Variants in CREBBP observed in about 807,000 individuals in gnomAD.
The protein encoded by CREBBP is CREB binding lysine acetyltransferase.
Under a neutral mutation model 265.0 loss-of-function variants are expected in CREBBP, and 19 were observed. The ratio of observed to expected loss-of-function variants is 0.07; its 90% confidence interval spans 0.05 to 0.11. The LOEUF is 0.11. CREBBP is among the 10% of genes least tolerant of loss of function. CREBBP has a pLI of 1.00. For synonymous variants in CREBBP, 1,457 were observed against 1,223.7 expected (o/e 1.19, Z -3.98); for missense variants, 2,525 against 3,219.0 (o/e 0.78, Z 5.22).
chr16:3,756,581 G>C (rs1015684302), intron 19 of CREBBP, among the ~76,000 whole-genome samples: 2 of 152,166 alleles, frequency 1.3e-5, no homozygotes, highest in Non-Finnish European at 2.9e-5. Flanking sequence ...TATAATAGGA[G>C]GCAACAGAAT....
At chr16:3,875,933 G>T (rs907747653) in intron 1 of CREBBP, among the ~76,000 whole-genome samples, 6 of 152,120 alleles carry the variant, frequency 3.9e-5, no homozygotes, top group African/African-American at 1.4e-4. Flanking sequence ...CTTCCCTATT[G>T]CATTTAAAAG....
chr16:3,777,793 G>T, intron 10 of CREBBP, 136 bp from the exon 11 acceptor site: 1 of 1,135,468 alleles, frequency 8.8e-7, no homozygotes, highest in Non-Finnish European at 1.3e-6. Context: ...AAGCACGTGT[G>T]TTCCAATGCC....
intron 23 of CREBBP, 165 bp from the exon 24 acceptor site, chr16:3,740,714 T>C (rs2052182585): frequency 1.4e-5 from 12 of 867,114 alleles, no homozygotes; most frequent in Middle Eastern, 3.2e-4. Context: ...ACGAGTGTTA[T>C]ATAAAGGAAA....
intron 18 of CREBBP, 70 bp from the exon 19 acceptor site, chr16:3,757,446 C>G: frequency 1.6e-6 from 2 of 1,267,646 alleles, no homozygotes; most frequent in South Asian, 2.6e-5. Context: ...ATGTTCTAGT[C>G]TACTATAGAG....
At chr16:3,879,781 T>G in intron 1 of CREBBP, 51 bp downstream of exon 1, 3 of 1,521,118 alleles carry the variant, frequency 2.0e-6, no homozygotes, top group Non-Finnish European at 1.8e-6. Flanking sequence ...CTCTTTCAGG[T>G]GGGGGTGACA....
rs957363361 is a variant in CREBBP at position 3,726,490 on chromosome 16, AGCCACCACCCAC to A, written c.*1216_*1227del. Reference sequence around the variant, plus strand: ...CCGCTAAGCCTGGGCCACAGTTCCCAGCCACCACCCACGCCGCCACAACCACAACCGCAGCCC... The same window carrying A: ...CCGCTAAGCCTGGGCCACAGTTCCCAGCCGCCACAACCACAACCGCAGCCC... On this transcript the variant is annotated 3_prime_UTR_variant, in exon 31 of 31. Transcript: ENST00000262367. 2.1e-5 allele frequency: 5 copies of A among 233,382 alleles called. No homozygotes were observed. Among genetic ancestry groups the A allele is most frequent in the African/African-American group, 1.1e-4 (5 of 45,354 alleles). The allele number at this position is 233,382 out of a possible 1,614,324, so 14.5% of individuals were successfully genotyped here. A position where few individuals can be genotyped will look rare whatever the true frequency, so the allele number is the denominator to read the frequency against.
At chr16:3,868,709 TC>T (rs2055229935) in intron 1 of CREBBP, among the ~76,000 whole-genome samples, 1 of 151,964 alleles carries the variant, frequency 6.6e-6, no homozygotes. Flanking sequence ...TCCACTTCCT[TC>T]CAGTCAGACA....
At chr16:3,739,517 C>T (rs2151336190) in intron 25 of CREBBP, 61 bp downstream of exon 25, 2 of 1,607,594 alleles carry the variant, frequency 1.2e-6, no homozygotes, top group Non-Finnish European at 1.7e-6. Flanking sequence ...CACTTAAGAG[C>T]CCTGGTCTAT....
chr16:3,725,630 G>C lies in CREBBP; in HGVS notation c.*2088C>G, dbSNP rs1340301750. 5 of 233,220 alleles carry C rather than the reference G, an allele frequency of 2.1e-5. No individual in the cohort carries two copies. Among genetic ancestry groups the C allele is most frequent in the Non-Finnish European group, 4.2e-5 (5 of 118,076 alleles). The allele number at this position is 233,220 out of a possible 1,614,324, so 14.4% of individuals were successfully genotyped here. ...TGGGGGCTGGTCAGGGGTGCCAGAT[G>C]GTGGTCTTATTTTTACTTGAATTAT... On this transcript the variant is annotated 3_prime_UTR_variant, in exon 31 of 31. Coordinates refer to ENST00000262367, the MANE Select transcript of CREBBP (RefSeq NM_004380.3).
At chr16:3,853,047 C>T (rs1597059765) in intron 1 of CREBBP, among the ~76,000 whole-genome samples, 1 of 151,890 alleles carries the variant, frequency 6.6e-6, no homozygotes, top group Non-Finnish European at 1.5e-5. Flanking sequence ...GCTGCCCACA[C>T]TGGACACCAG....
At chr16:3,752,114 A>T (rs2052487889) in intron 19 of CREBBP, among the ~76,000 whole-genome samples, 2 of 152,184 alleles carry the variant, frequency 1.3e-5, no homozygotes, top group Non-Finnish European at 2.9e-5. Context: ...ATCACAGGCC[A>T]TCATCACTAA....
At chr16:3,875,422 A>C (rs771233262) in intron 1 of CREBBP, among the ~76,000 whole-genome samples, 5 of 152,104 alleles carry the variant, frequency 3.3e-5, no homozygotes, top group Non-Finnish European at 7.4e-5. Context: ...ACCGTTTCTC[A>C]TTCTCCCTGA....
chr16:3,792,577 C>T (rs1330929383), intron 4 of CREBBP, among the ~76,000 whole-genome samples: 2 of 152,150 alleles, frequency 1.3e-5, no homozygotes, highest in East Asian at 1.9e-4. Context: ...GGCTAACTGA[C>T]CCTGGTTATT....
rs1310381167 is a variant in CREBBP at position 3,879,823 on chromosome 16, C to G, written c.85+9G>C. 2 of 1,598,666 alleles carry G rather than the reference C, an allele frequency of 1.3e-6. No homozygotes were observed. Among genetic ancestry groups the G allele is most frequent in the South Asian group, 1.1e-5 (1 of 88,704 alleles). ...CCCGGGCCCCCGCCGCCCCGGACCC[C>G]CTCCTCACCTGTGCTGTCATTCGCC... On this transcript the variant is annotated intron_variant, in intron 1 of 30. Transcript: ENST00000262367.
chr16:3,838,277 T>C (rs1475205752), intron 2 of CREBBP, among the ~76,000 whole-genome samples: 2 of 152,218 alleles, frequency 1.3e-5, no homozygotes, highest in Non-Finnish European at 2.9e-5. Flanking sequence ...GATGTACAGA[T>C]TTATAGTCCA....
At position 3,728,406 on chromosome 16, in the gene CREBBP, T is replaced by G; in HGVS notation, c.6641A>C (p.Gln2214Pro). ...QQQQQQQQQQ[Q>P]QQGSAGMAGG... Reference sequence around the variant, plus strand: ...AGCCATGCCGGCACTCCCTTGCTGCTGCTGCTGTTGCTGCTGTTGTTGCTG... The same window carrying G: ...AGCCATGCCGGCACTCCCTTGCTGCGGCTGCTGTTGCTGCTGTTGTTGCTG... Residue 2214 changes from glutamine to proline, a missense_variant, in exon 31 of 31, where the codon CAG becomes CCG. This residue lies in a region of CREBBP where 473 missense variants were observed against 459.3 expected (regional missense o/e 1.03). Transcript: ENST00000262367. The surrounding 1 kb of genome is among the most constrained non-coding windows in gnomAD (Gnocchi z 8.7). 6.2e-7 allele frequency: 1 copy of G among 1,613,302 alleles called. No individual in the cohort carries two copies. Among genetic ancestry groups the G allele is most frequent in the Middle Eastern group, 1.7e-4 (1 of 6,056 alleles).
rs1256287681 is a variant in CREBBP, at chr16:3,729,214, G to A, written c.5833C>T (p.Pro1945Ser). The A allele has an allele frequency of 1.3e-6, 2 of 1,529,546 alleles. No homozygotes were observed. Among genetic ancestry groups the A allele is most frequent in the Non-Finnish European group, 8.7e-7 (1 of 1,143,606 alleles). The allele number at this position is 1,529,546 out of a possible 1,614,324, so 94.7% of individuals were successfully genotyped here. ...TGKPTSQVPAPPPPAQPPPAA... is the reference protein window; with the variant it reads ...TGKPTSQVPASPPPAQPPPAA... ...GGAGGGGGCTGGGCCGGGGGTGGGGGGGCCGGCACCTGGCTGGTAGGCTTC... is the reference window on the plus strand; with the variant it reads ...GGAGGGGGCTGGGCCGGGGGTGGGGAGGCCGGCACCTGGCTGGTAGGCTTC... The change falls in exon 31 of 31, where the codon CCC becomes TCC. Residue 1945 changes from proline (P) to serine (S), a missense_variant. Physicochemically the swap from Pro to Ser is moderately conservative, Grantham distance 74 (BLOSUM62 -1). This residue lies in a region of CREBBP where 275 missense variants were observed against 276.5 expected (regional missense o/e 0.99). Coordinates refer to ENST00000262367, the MANE Select transcript of CREBBP (RefSeq NM_004380.3).
At position 3,727,744 on chromosome 16, in the gene CREBBP, G is replaced by T; in HGVS notation, c.7303C>A (p.Leu2435Ile). Residue 2435 changes from leucine to isoleucine, a missense_variant, in exon 31 of 31, where the codon CTA becomes ATA. This residue lies in a region of CREBBP where 473 missense variants were observed against 459.3 expected (regional missense o/e 1.03). Transcript: ENST00000262367. The stretch of plus-strand genomic sequence containing the variant: ...TACAAGCCCTCCACAAACTTCTCTA[G>T]CGTGTCCCCCGTGGTGTCCCCGACC... ...SLVGDTTGDT[L>I]EKFVEGL is the part of the protein sequence containing the mutation. The T allele has an allele frequency of 6.2e-7, 1 of 1,614,108 alleles. No individual in the cohort carries two copies. Among genetic ancestry groups the T allele is most frequent in the Non-Finnish European group, 8.5e-7 (1 of 1,180,016 alleles).
In CREBBP at chr16:3,777,832, A is replaced by G. The variant is rs528559038; in HGVS notation, c.2114-175T>C. The G allele has an allele frequency of 1.5e-5, 16 of 1,064,222 alleles. No homozygotes were observed. In the East Asian group the frequency reaches 3.4e-4, roughly 23 times the overall value. 65.9% of individuals were successfully genotyped at this position (1,064,222 alleles called of 1,614,324 possible). A position where few individuals can be genotyped will look rare whatever the true frequency, so the allele number is the denominator to read the frequency against. ...GCACCCTGTAAAGGGCCTTCCCAAG[A>G]GAGAAACTCAGTGTCCCAACACAGC... On this transcript the variant is annotated intron_variant, in intron 10 of 30. Transcript: ENST00000262367.
Sources: gnomAD v4.1 joint callset for allele counts (sites outside exome capture counted in the v4.1 genomes callset) on GRCh38, gnomAD v4.1.1 for gene constraint, gnomAD v4.1.1 regional missense constraint, Gnocchi (gnomAD v3.1) non-coding constraint, MANE v1.5 for transcripts, NCBI Gene and HGNC (gene_info 2026-07-23, HGNC 2026-07-21) for gene names.